MYO16: variants seen among roughly 807,000 people sequenced by gnomAD.
The protein encoded by MYO16 is myosin XVI.
In MYO16, 94 loss-of-function variants were observed where a neutral mutation model predicts 205.3. That is an observed-to-expected ratio of 0.46 (90% CI 0.39 to 0.54). The LOEUF is 0.54. Among genes scored for constraint, MYO16 ranks in the 20% least tolerant of loss-of-function variants. MYO16 has a pLI of 0.00. For synonymous variants in MYO16, 988 were observed against 954.0 expected, an observed-to-expected ratio of 1.04 and a Z score of -0.66; for missense variants, 2,315 against 2,387.5, an observed-to-expected ratio of 0.97 and a Z score of 0.63.
At chr13:108,821,251 T>C (rs1164424242) in intron 8 of MYO16, among the ~76,000 whole-genome samples, 4 of 152,158 alleles carry the variant, frequency 2.6e-5, no homozygotes. Flanking sequence ...GAATTTCTAA[T>C]AAATCTCCAG....
At chr13:108,585,780 T>C in the MYO16 span, among the ~76,000 whole-genome samples, 1 of 152,224 alleles carries the variant, frequency 6.6e-6, no homozygotes, top group Non-Finnish European at 1.5e-5. Context: ...TTGTGGTTTA[T>C]ATGACATGAC....
chr13:109,115,959 T>C (rs566629296), intron 28 of MYO16, among the ~76,000 whole-genome samples: 2 of 54,782 alleles, frequency 3.7e-5, no homozygotes, highest in East Asian at 8.7e-4. Flanking sequence ...AAGTATAGCA[T>C]CTCAAAAAAA....
chr13:109,102,685 AG>A (rs1236506982), intron 28 of MYO16, among the ~76,000 whole-genome samples: 1 of 152,172 alleles, frequency 6.6e-6, no homozygotes, highest in Non-Finnish European at 1.5e-5. Flanking sequence ...TGTAAAGTAC[AG>A]GTCAAATATG....
chr13:108,678,231 C>T (rs1008111930), intron 2 of MYO16, among the ~76,000 whole-genome samples: 1 of 152,210 alleles, frequency 6.6e-6, no homozygotes, highest in African/African-American at 2.4e-5. Context: ...ACTGGACATG[C>T]ATAAACACTG....
At chr13:108,910,667 G>A (rs1312123338) in intron 16 of MYO16, among the ~76,000 whole-genome samples, 1 of 152,212 alleles carries the variant, frequency 6.6e-6, no homozygotes, top group Non-Finnish European at 1.5e-5. Flanking sequence ...TAGACAGTGA[G>A]TGAAGAATGT....
Position 109,140,164 on chromosome 13 carries a change from G to C in MYO16, c.4052-100G>C. On this transcript the variant is annotated intron_variant, in intron 31 of 34. Coordinates refer to ENST00000457511, the MANE Select transcript of MYO16 (RefSeq NM_001198950.3). The surrounding 1 kb of genome is among the most constrained non-coding windows in gnomAD (Gnocchi z 8.0). ...GCAGGCCCGGTCCCTTGGGATTCTC[G>C]GGGCACGGGGCCGTGGCTCCCTCCG... The C allele has an allele frequency of 6.6e-7, 1 of 1,513,602 alleles. No homozygotes were observed. The highest frequency in any genetic ancestry group is 8.8e-7 in the Non-Finnish European group (1 of 1,142,590). The allele number at this position is 1,513,602 out of a possible 1,614,324, so 93.8% of individuals were successfully genotyped here. A position where few individuals can be genotyped will look rare whatever the true frequency, so the allele number is the denominator to read the frequency against.
At chr13:109,111,316 G>C (rs578252567) in intron 28 of MYO16, among the ~76,000 whole-genome samples, 1 of 152,236 alleles carries the variant, frequency 6.6e-6, no homozygotes, top group East Asian at 1.9e-4. Context: ...TCTGAGGGGA[G>C]AACTCTGCAG....
chr13:108,876,948 G>A (rs896119454), intron 12 of MYO16, among the ~76,000 whole-genome samples: 1 of 152,104 alleles, frequency 6.6e-6, no homozygotes, highest in Non-Finnish European at 1.5e-5. Context: ...TTACAGGCGT[G>A]AGTCACCGCG....
chr13:109,205,394 T>G (rs1339547100), intron 34 of MYO16, among the ~76,000 whole-genome samples: 5 of 152,194 alleles, frequency 3.3e-5, no homozygotes, highest in Non-Finnish European at 7.3e-5. Context: ...TGCTTTCAAG[T>G]GACTGTTTTC....
At chr13:108,526,792 T>C in the MYO16 span, among the ~76,000 whole-genome samples, 1 of 152,198 alleles carries the variant, frequency 6.6e-6, no homozygotes, top group African/African-American at 2.4e-5. Context: ...ATTTCTGCCT[T>C]TTTCTGTTGG....
chr13:108,816,066 A>C (rs196175), intron 7 of MYO16, among the ~76,000 whole-genome samples: 138,978 of 152,206 alleles, frequency 0.91, 64,798 homozygotes, highest in East Asian at 1. Context: ...GTCTTCTCCA[A>C]AAATGTTGCT....
chr13:108,998,541 C>T (rs1373329600), intron 21 of MYO16, among the ~76,000 whole-genome samples: 5 of 152,044 alleles, frequency 3.3e-5, no homozygotes, highest in Admixed American at 1.3e-4. Context: ...TTTAGTGTTC[C>T]AGCATTTATG....
At chr13:108,633,424 A>T (rs1167157307) in intron 1 of MYO16, among the ~76,000 whole-genome samples, 1 of 152,162 alleles carries the variant, frequency 6.6e-6, no homozygotes, top group Non-Finnish European at 1.5e-5. Flanking sequence ...TTGGAGTCTG[A>T]TGTTCAAGGG....
At chr13:109,045,719 G>T (rs1037820362) in intron 23 of MYO16, among the ~76,000 whole-genome samples, 5 of 152,178 alleles carry the variant, frequency 3.3e-5, no homozygotes, top group Admixed American at 3.3e-4. Context: ...AAATATAAAA[G>T]CCTATAGAAA....
chr13:108,518,174 G>A, the MYO16 span, among the ~76,000 whole-genome samples: 1 of 152,088 alleles, frequency 6.6e-6, no homozygotes. Flanking sequence ...CGGGTAAAAG[G>A]GTAGAAAAAT....
At chr13:108,952,269 G>C (rs1389707479) in intron 16 of MYO16, among the ~76,000 whole-genome samples, 1 of 152,142 alleles carries the variant, frequency 6.6e-6, no homozygotes, top group African/African-American at 2.4e-5. Flanking sequence ...GGAGGCTTTA[G>C]GAATTGCTGA....
At chr13:109,134,556 A>G (rs1176404109) in intron 31 of MYO16, among the ~76,000 whole-genome samples, 1 of 152,210 alleles carries the variant, frequency 6.6e-6, no homozygotes, top group Non-Finnish European at 1.5e-5. Flanking sequence ...TGCCTCAGCC[A>G]TCTGAGGACT....
chr13:109,087,899 C>A (rs1461409156), intron 27 of MYO16, among the ~76,000 whole-genome samples: 1 of 152,184 alleles, frequency 6.6e-6, no homozygotes, highest in Non-Finnish European at 1.5e-5. Flanking sequence ...TTTATTTAGG[C>A]TTAAACAACA....
At chr13:108,636,357 T>G (rs1443959824) in intron 1 of MYO16, among the ~76,000 whole-genome samples, 2,300 of 60,494 alleles carry the variant, frequency 0.038, 45 homozygotes, top group African/African-American at 0.073. Context: ...TTTTTTTTTT[T>G]TTTTTTTTTT....
Sources: gnomAD v4.1 joint callset for allele counts (sites outside exome capture counted in the v4.1 genomes callset) on GRCh38, gnomAD v4.1.1 for gene constraint, Gnocchi (gnomAD v3.1) non-coding constraint, MANE v1.5 for transcripts, NCBI Gene and HGNC (gene_info 2026-07-23, HGNC 2026-07-21) for gene names.